CACNA2D3: variants seen among roughly 807,000 people sequenced by gnomAD.
CACNA2D3 encodes calcium voltage-gated channel auxiliary subunit alpha2delta 3.
A neutral mutation model predicts 160.6 loss-of-function variants in CACNA2D3; 60 were observed. The observed-to-expected ratio is 0.37, with a 90% CI of 0.30 to 0.46. The LOEUF is 0.46. CACNA2D3 is among the 20% of genes least tolerant of loss of function. CACNA2D3 has a pLI of 1.00. For synonymous variants in CACNA2D3, 558 were observed against 492.9 expected (o/e 1.13, Z -1.75); for missense variants, 1,205 against 1,365.0 (o/e 0.88, Z 1.85).
intron 5 of CACNA2D3, among the ~76,000 whole-genome samples, chr3:54,507,306 C>T (rs1344693358): frequency 6.6e-6 from 1 of 152,120 alleles, no homozygotes; most frequent in Non-Finnish European, 1.5e-5. Flanking sequence ...GAAACCAGCT[C>T]AAATATAACC....
At chr3:55,030,640 G>A (rs1703666977) in intron 35 of CACNA2D3, among the ~76,000 whole-genome samples, 1 of 152,112 alleles carries the variant, frequency 6.6e-6, no homozygotes, top group South Asian at 2.1e-4. Context: ...AAAACCTCTG[G>A]TCAATTTTTC....
intron 3 of CACNA2D3, among the ~76,000 whole-genome samples, chr3:54,329,077 T>G (rs1179614105): frequency 6.6e-6 from 1 of 152,254 alleles, no homozygotes; most frequent in Non-Finnish European, 1.5e-5. Flanking sequence ...GCACCCAGAC[T>G]GACCACCAGG....
intron 27 of CACNA2D3, among the ~76,000 whole-genome samples, chr3:54,939,716 G>A (rs772802851): frequency 1.3e-5 from 2 of 152,212 alleles, no homozygotes; most frequent in African/African-American, 4.8e-5. Context: ...GCCCCTGCAG[G>A]CCCACCCTCT....
In CACNA2D3 at chr3:54,277,673, G is replaced by T. The variant is rs567741872; in HGVS notation, c.205-42769G>T. 3.9e-5 allele frequency among the ~76,000 whole-genome samples: 6 copies of T among 152,242 alleles called. No homozygotes were observed. In the East Asian group the frequency reaches 9.7e-4, roughly 25 times the overall value. On this transcript the variant is annotated intron_variant, in intron 2 of 37. Coordinates refer to ENST00000474759, the MANE Select transcript of CACNA2D3 (RefSeq NM_018398.3). ...TTTTCTAATTCTGTGAAGAAAGTCAGTGGTAGCTTGATGGGGATAGCATTG... is the reference window on the plus strand; with the variant it reads ...TTTTCTAATTCTGTGAAGAAAGTCATTGGTAGCTTGATGGGGATAGCATTG...
At chr3:54,892,858 A>G (rs1291166899) in intron 25 of CACNA2D3, among the ~76,000 whole-genome samples, 2 of 152,246 alleles carry the variant, frequency 1.3e-5, no homozygotes, top group Non-Finnish European at 2.9e-5. Flanking sequence ...ATGGATTTAA[A>G]AGACAAAGGA....
chr3:54,789,086 C>T (rs1347752876), intron 13 of CACNA2D3, among the ~76,000 whole-genome samples: 1 of 152,078 alleles, frequency 6.6e-6, no homozygotes, highest in Non-Finnish European at 1.5e-5. Flanking sequence ...TAACACATAA[C>T]TATATGTCAA....
intron 17 of CACNA2D3, among the ~76,000 whole-genome samples, chr3:54,855,578 A>G (rs556724793): frequency 6.6e-6 from 1 of 152,324 alleles, no homozygotes; most frequent in South Asian, 2.1e-4. Flanking sequence ...GGAAATATGG[A>G]AGAATGCAAA....
At chr3:54,918,421 T>G in intron 27 of CACNA2D3, 1 of 1,567,192 alleles carries the variant, frequency 6.4e-7, no homozygotes, top group Non-Finnish European at 8.7e-7. Context: ...CACTATCTTC[T>G]GGCCTGCAAT....
intron 27 of CACNA2D3, among the ~76,000 whole-genome samples, chr3:54,923,344 C>T (rs1006533733): frequency 2.0e-5 from 3 of 152,078 alleles, no homozygotes; most frequent in African/African-American, 7.2e-5. Context: ...AAGTTTTCCC[C>T]CTCATCAAGC....
chr3:54,233,415 G>A, intron 2 of CACNA2D3, among the ~76,000 whole-genome samples: 1 of 152,216 alleles, frequency 6.6e-6, no homozygotes, highest in East Asian at 1.9e-4. Flanking sequence ...AGGGCACAGA[G>A]CACCAATGAA....
At chr3:54,790,493 A>G (rs1416931962) in intron 13 of CACNA2D3, among the ~76,000 whole-genome samples, 2 of 152,184 alleles carry the variant, frequency 1.3e-5, no homozygotes, top group African/African-American at 4.8e-5. Context: ...TGTGACCTAT[A>G]TGTAGCATGC....
chr3:54,143,689 C>T (rs924698328), intron 2 of CACNA2D3, among the ~76,000 whole-genome samples: 9 of 146,356 alleles, frequency 6.1e-5, no homozygotes, highest in African/African-American at 1.5e-4. Flanking sequence ...TTAGTAGAGA[C>T]GGGGTTTCAC....
Position 54,887,896 on chromosome 3 carries a change from A to T in CACNA2D3, c.2057-63A>T, listed in dbSNP as rs1385484050. On this transcript the variant is annotated intron_variant, in intron 23 of 37. Transcript: ENST00000474759. ...GCAGATGCTGCACAATGAGCCCATG[A>T]GTGCCTCTCATGCCCCTCTTCCAGC... The T allele has an allele frequency of 8.2e-6, 10 of 1,224,604 alleles. No homozygotes were observed. In the South Asian group the frequency reaches 1.2e-4, roughly 15 times the overall value. 75.9% of individuals were successfully genotyped at this position (1,224,604 alleles called of 1,614,324 possible).
At chr3:54,175,791 T>A (rs764662480) in intron 2 of CACNA2D3, among the ~76,000 whole-genome samples, 1 of 152,018 alleles carries the variant, frequency 6.6e-6, no homozygotes, top group Admixed American at 6.6e-5. Flanking sequence ...AAACAGGTCA[T>A]TGGAGGGGAA....
intron 24 of CACNA2D3, 88 bp from the exon 25 acceptor site, chr3:54,891,267 G>T (rs1256017345): frequency 4.0e-6 from 3 of 756,956 alleles, no homozygotes; most frequent in African/African-American, 1.8e-5. Context: ...CTGCTATTTG[G>T]TAAAAACATT....
chr3:54,880,750 G>C, intron 20 of CACNA2D3, 46 bp from the exon 21 acceptor site: 1 of 1,481,352 alleles, frequency 6.8e-7, no homozygotes, highest in African/African-American at 1.4e-5. Flanking sequence ...AAGTCTATTC[G>C]AGTCGATGCC....
At chr3:54,402,851 C>A (rs1277608294) in intron 4 of CACNA2D3, among the ~76,000 whole-genome samples, 1 of 152,186 alleles carries the variant, frequency 6.6e-6, no homozygotes, top group African/African-American at 2.4e-5. Context: ...GCACGTGGAA[C>A]ATTCTCCAGG....
At position 54,846,096 on chromosome 3, in the gene CACNA2D3, TAAAA is replaced by T. The variant is rs369990061; in HGVS notation, c.1552-290_1552-287del. On this transcript the variant is annotated intron_variant, in intron 16 of 37. Transcript: ENST00000474759. ...ACAGAAACATTAGCCACTTTCTTGT[TAAAA>T]AAAAAAGGTAATTGTTTTGTTTTAA... Among the ~76,000 whole-genome samples the T allele has an allele frequency of 3.8e-3, 562 of 148,824 alleles. 3 individuals are homozygous for T. Among genetic ancestry groups the T allele is most frequent in the African/African-American group, 0.013 (530 of 40,656 alleles).
At chr3:54,563,838 C>A (rs997643207) in intron 6 of CACNA2D3, among the ~76,000 whole-genome samples, 5 of 152,212 alleles carry the variant, frequency 3.3e-5, no homozygotes, top group Non-Finnish European at 7.3e-5. Flanking sequence ...CTCTGCCTTG[C>A]GGAGCTGTTT....
Sources: gnomAD v4.1 joint callset for allele counts (sites outside exome capture counted in the v4.1 genomes callset) on GRCh38, gnomAD v4.1.1 for gene constraint, MANE v1.5 for transcripts, NCBI Gene and HGNC (gene_info 2026-07-23, HGNC 2026-07-21) for gene names.